The following ADGRL4 variants were observed in gnomAD, a reference collection of about 807,000 sequenced individuals.
ADGRL4 encodes adhesion G protein-coupled receptor L4.
ADGRL4 carries 90 observed loss-of-function variants against 74.8 expected under a neutral mutation model. The ratio of observed to expected loss-of-function variants is 1.20; its 90% CI spans 1.02 to 1.43. ADGRL4 has a LOEUF of 1.43. Among genes scored for constraint, ADGRL4 ranks in the 40% most tolerant of loss-of-function variants. ADGRL4 has a pLI of 0.00. For missense variants in ADGRL4, 881 were observed against 814.3 expected, an observed-to-expected ratio of 1.08 and a Z score of -1.00; for synonymous variants, 311 against 279.2, an observed-to-expected ratio of 1.11 and a Z score of -1.14.
At chr1:78,986,406 T>C (rs1041558027) in intron 2 of ADGRL4, among the ~76,000 whole-genome samples, 1 of 151,480 alleles carries the variant, frequency 6.6e-6, no homozygotes, top group African/African-American at 2.4e-5. Context: ...TCAAAACCAG[T>C]TTAGGCAACA....
chr1:78,996,166 G>C (rs910131499), intron 2 of ADGRL4, among the ~76,000 whole-genome samples: 5 of 152,142 alleles, frequency 3.3e-5, no homozygotes, highest in Admixed American at 2.0e-4. Context: ...GAACTGAAGG[G>C]ATTGACAGAA....
Position 78,930,252 on chromosome 1 carries a change from T to C in ADGRL4, c.878-3161A>G, listed in dbSNP as rs200590455. The stretch of plus-strand genomic sequence containing the variant: ...TATTACCTAGAGAAAATAGGAAATA[T>C]TATTATTATTTTCTTTGCAAAAATT... On this transcript the variant is annotated intron_variant, in intron 7 of 14. Coordinates refer to ENST00000370742, the MANE Select transcript of ADGRL4 (RefSeq NM_022159.4). 3.6e-4 allele frequency among the ~76,000 whole-genome samples: 55 copies of C among 150,836 alleles called. No homozygotes were observed. The East Asian group carries it at 0.011, about 29-fold the overall frequency.
intron 3 of ADGRL4, 31 bp downstream of exon 3, chr1:78,946,243 T>C (rs373493278): frequency 1.3e-5 from 20 of 1,571,682 alleles, no homozygotes; most frequent in Non-Finnish European, 1.6e-5. Flanking sequence ...AAGAGATATA[T>C]ACAAATTCTA....
chr1:78,946,352 A>C lies in ADGRL4; in HGVS notation c.247T>G (p.Tyr83Asp). 1 of 1,613,420 alleles carries C rather than the reference A, an allele frequency of 6.2e-7. No homozygotes were observed. Among genetic ancestry groups the C allele is most frequent in the Non-Finnish European group, 8.5e-7 (1 of 1,179,634 alleles). ...CTGAAGCCAGGTACACACATACAAT[A>C]ATAACTTCCTTCTGTGTTAGTGCAA... ...ANCTNTEGSY[Y>D]CMCVPGFRSS... The change falls in exon 3 of 15, where the codon TAT (tyrosine) becomes GAT (aspartate). Residue 83 changes from tyrosine to aspartate, a missense_variant. Tyr to Asp is a radical substitution (Grantham distance 160, BLOSUM62 -3). Transcript: ENST00000370742.
chr1:79,006,515 C>G, intron 1 of ADGRL4, 118 bp downstream of exon 1: 1 of 1,155,134 alleles, frequency 8.7e-7, no homozygotes, highest in Non-Finnish European at 1.2e-6. Context: ...AATCAATTCT[C>G]CTCGGAGATT....
At chr1:78,924,279 C>A (rs1649068479) in intron 8 of ADGRL4, among the ~76,000 whole-genome samples, 1 of 152,010 alleles carries the variant, frequency 6.6e-6, no homozygotes, top group African/African-American at 2.4e-5. Context: ...TTGTGTGTGT[C>A]TGCGTGTATA....
chr1:78,987,840 G>C (rs927275817), intron 2 of ADGRL4, among the ~76,000 whole-genome samples: 1 of 151,620 alleles, frequency 6.6e-6, no homozygotes, highest in African/African-American at 2.4e-5. Context: ...AATAGTATGA[G>C]ACATAAATTA....
At chr1:78,925,495 G>A (rs1370536316) in intron 8 of ADGRL4, among the ~76,000 whole-genome samples, 3 of 151,812 alleles carry the variant, frequency 2.0e-5, no homozygotes, top group Admixed American at 6.6e-5. Flanking sequence ...TAGTCAAATC[G>A]CAGATAAATT....
chr1:78,989,376 A>G (rs1035907722), intron 2 of ADGRL4, among the ~76,000 whole-genome samples: 13 of 151,836 alleles, frequency 8.6e-5, no homozygotes, highest in African/African-American at 2.7e-4. Flanking sequence ...ACAGTCATCC[A>G]CCATACTGAC....
chr1:79,001,141 G>A (rs1299146760), intron 2 of ADGRL4, among the ~76,000 whole-genome samples: 2 of 134,392 alleles, frequency 1.5e-5, no homozygotes, highest in Non-Finnish European at 3.1e-5. Flanking sequence ...GGAAGGGAAG[G>A]AGGAAGGAAG....
intron 8 of ADGRL4, among the ~76,000 whole-genome samples, chr1:78,924,612 C>G (rs187403004): frequency 3.9e-5 from 6 of 152,120 alleles, no homozygotes; most frequent in Admixed American, 2.6e-4. Flanking sequence ...GATAAGCTTA[C>G]ATGTTTGAAC....
In ADGRL4 at chr1:78,890,316, T is replaced by C. The variant is rs1319664406; in HGVS notation, c.*838A>G. On this transcript the variant is annotated 3_prime_UTR_variant, in exon 15 of 15. Coordinates refer to ENST00000370742, the MANE Select transcript of ADGRL4 (RefSeq NM_022159.4). ...AAGGTAATAGAATACTTCAGCTTTA[T>C]TACACTGTTTTTACATTGATAGGTA... The C allele has an allele frequency of 6.6e-6, 1 of 152,174 alleles. No individual in the cohort carries two copies. The highest frequency in any genetic ancestry group is 1.5e-5 in the Non-Finnish European group (1 of 68,046). The allele number at this position is 152,174 out of a possible 1,614,324, so 9.4% of individuals were successfully genotyped here. A position where few individuals can be genotyped will look rare whatever the true frequency, so the allele number is the denominator to read the frequency against.
intron 2 of ADGRL4, among the ~76,000 whole-genome samples, chr1:78,965,692 C>T (rs1650041896): frequency 1.3e-5 from 2 of 152,078 alleles, no homozygotes; most frequent in South Asian, 4.1e-4. Context: ...GATTCAGCAA[C>T]TATTATGTTC....
At chr1:78,998,612 T>A (rs764628269) in intron 2 of ADGRL4, among the ~76,000 whole-genome samples, 12 of 152,140 alleles carry the variant, frequency 7.9e-5, no homozygotes, top group Non-Finnish European at 1.2e-4. Flanking sequence ...GTGACCCACC[T>A]GCCTCGGCTT....
At chr1:78,944,781 G>A (rs1412200610) in intron 3 of ADGRL4, among the ~76,000 whole-genome samples, 2 of 152,098 alleles carry the variant, frequency 1.3e-5, no homozygotes, top group African/African-American at 2.4e-5. Context: ...AATAAAATGA[G>A]GAGAATAAAA....
In ADGRL4 at chr1:78,946,404, T is replaced by G; in HGVS notation, c.195A>C (p.Leu65Phe). The change falls in exon 3 of 15, where the codon TTA becomes TTC. Residue 65 changes from leucine (L) to phenylalanine (F), a missense_variant. By Grantham distance (22) the Leu-to-Phe change is conservative (BLOSUM62 0). Transcript: ENST00000370742. ...TAGCATTTTCGCCACAGGACTGAGT[T>G]AAATTTCCACATTCATTATCATCTG... The part of the protein sequence containing the change: ...ICEDDNECGN[L>F]TQSCGENANC... 6.2e-7 allele frequency: 1 copy of G among 1,610,806 alleles called. No individual in the cohort carries two copies. The highest frequency in any genetic ancestry group is 8.5e-7 in the Non-Finnish European group (1 of 1,178,684).
chr1:78,948,666 T>C (rs957706652), intron 2 of ADGRL4, among the ~76,000 whole-genome samples: 15 of 152,300 alleles, frequency 9.8e-5, no homozygotes, highest in Admixed American at 7.9e-4. Flanking sequence ...GATGCAACTC[T>C]ATATGGCTAT....
intron 3 of ADGRL4, among the ~76,000 whole-genome samples, chr1:78,941,913 T>A (rs1171847754): frequency 6.6e-6 from 1 of 152,036 alleles, no homozygotes; most frequent in Non-Finnish European, 1.5e-5. Flanking sequence ...AAAAGACACC[T>A]TCTAGGCCCG....
chr1:78,926,848 C>T (rs1414907151), intron 8 of ADGRL4, 38 bp downstream of exon 8: 2 of 1,454,724 alleles, frequency 1.4e-6, no homozygotes, highest in African/African-American at 1.4e-5. Flanking sequence ...CTGACTGTAT[C>T]ACAATCATAG....
Sources: gnomAD v4.1 joint callset for allele counts (sites outside exome capture counted in the v4.1 genomes callset) on GRCh38, gnomAD v4.1.1 for gene constraint, MANE v1.5 for transcripts, NCBI Gene and HGNC (gene_info 2026-07-23, HGNC 2026-07-21) for gene names.